DYM: variants seen among roughly 807,000 people sequenced by gnomAD.
The protein encoded by DYM is dyggve-Melchior-Clausen syndrome protein.
A neutral mutation model predicts 93.1 loss-of-function variants in DYM; 78 were observed. That is an observed-to-expected ratio of 0.84 (90% confidence interval 0.70 to 1.01). The LOEUF (loss-of-function observed/expected upper bound fraction) is 1.01, where lower values mean the gene tolerates loss of function less well. Ranked by LOEUF, DYM falls within the 50% of genes least tolerant of loss-of-function variation. DYM has a pLI of 0.00. For synonymous variants in DYM, 321 were observed against 319.7 expected (o/e 1.00, Z -0.04); for missense variants, 789 against 845.0 (o/e 0.93, Z 0.82).
intron 2 of DYM, 130 bp from the exon 3 acceptor site, chr18:49,391,775 A>G: frequency 2.9e-6 from 2 of 698,426 alleles, no homozygotes; most frequent in Non-Finnish European, 4.6e-6. Flanking sequence ...GTAGTGAACA[A>G]TAAGATCAGC....
intron 9 of DYM, among the ~76,000 whole-genome samples, chr18:49,283,806 T>C (rs188490172): frequency 6.6e-6 from 1 of 152,362 alleles, no homozygotes; most frequent in East Asian, 1.9e-4. Context: ...AACACAATCC[T>C]TGCCTCTCAG....
chr18:49,079,197 T>C (rs2077565399), intron 17 of DYM, among the ~76,000 whole-genome samples: 1 of 152,198 alleles, frequency 6.6e-6, no homozygotes, highest in Admixed American at 6.5e-5. Flanking sequence ...TAAAAACATG[T>C]TTCATGCAAA....
intron 17 of DYM, among the ~76,000 whole-genome samples, chr18:49,055,718 CA>C (rs2075411375): frequency 6.6e-6 from 1 of 152,196 alleles, no homozygotes; most frequent in South Asian, 2.1e-4. Flanking sequence ...GCCAAATGGG[CA>C]GAATGCTAAA....
chr18:49,103,994 A>C (rs552225712), intron 16 of DYM, among the ~76,000 whole-genome samples: 2 of 152,196 alleles, frequency 1.3e-5, no homozygotes, highest in South Asian at 4.2e-4. Context: ...TCTCTAAATT[A>C]CCTTGGGCAG....
At chr18:49,290,964 T>A (rs932876532) in intron 8 of DYM, among the ~76,000 whole-genome samples, 2 of 152,274 alleles carry the variant, frequency 1.3e-5, no homozygotes, top group African/African-American at 4.8e-5. Context: ...ATGCAAATAC[T>A]TTGGAACTAG....
chr18:49,104,074 C>T (rs2080499668), intron 16 of DYM, among the ~76,000 whole-genome samples: 1 of 152,048 alleles, frequency 6.6e-6, no homozygotes, highest in South Asian at 2.1e-4. Flanking sequence ...TGTTTGTATC[C>T]TCTTTTATTT....
intron 14 of DYM, among the ~76,000 whole-genome samples, chr18:49,203,871 TAAAAAAAA>T (rs71165370): frequency 0.01 from 638 of 63,548 alleles, 3 homozygotes; most frequent in Non-Finnish European, 0.014. Flanking sequence ...TTTAAAAAAG[TAAAAAAAA>T]AAAAAAAAAA....
intron 8 of DYM, among the ~76,000 whole-genome samples, chr18:49,299,887 C>T (rs1246645068): frequency 2.0e-5 from 3 of 150,908 alleles, no homozygotes; most frequent in Non-Finnish European, 4.4e-5. Context: ...ACTGAAAATA[C>T]AAAAAATTAG....
rs777266519 is a variant in DYM at position 49,257,082 on chromosome 18, C to CA, written c.1387dup (p.Cys463LeufsTer60). On this transcript the variant is annotated frameshift_variant, in exon 13 of 18. Coordinates refer to ENST00000675505, the MANE Select transcript of DYM (RefSeq NM_001353214.3). LOFTEE classifies it high-confidence loss of function. ...CGACATATTTGCTAAAGCTGCCAAACAATTTGTGTGAAGGTACTTGTCCTG... is the reference window on the plus strand; with the variant it reads ...CGACATATTTGCTAAAGCTGCCAAACAAATTTGTGTGAAGGTACTTGTCCTG... The CA allele has an allele frequency of 6.2e-7, 1 of 1,613,910 alleles. No individual in the cohort carries two copies. The highest frequency in any genetic ancestry group is 1.3e-5 in the African/African-American group (1 of 75,032).
chr18:49,120,149 T>C (rs114238388), intron 15 of DYM, among the ~76,000 whole-genome samples: 1,551 of 135,958 alleles, frequency 0.011, 25 homozygotes, highest in African/African-American at 0.04. Flanking sequence ...CAAAATGGGA[T>C]TCTAAAAAAA....
intron 2 of DYM, among the ~76,000 whole-genome samples, chr18:49,424,133 A>C (rs2074022873): frequency 6.6e-6 from 1 of 152,188 alleles, no homozygotes; most frequent in South Asian, 2.1e-4. Context: ...ATGAACATCG[A>C]TGCAAAAATC....
intron 1 of DYM, among the ~76,000 whole-genome samples, chr18:49,447,679 C>T (rs1353704257): frequency 6.6e-6 from 1 of 152,176 alleles, no homozygotes; most frequent in African/African-American, 2.4e-5. Flanking sequence ...CGCCCCAATG[C>T]GGTGTCGGCA....
chr18:49,431,841 G>C (rs1463773915), intron 1 of DYM: 1 of 151,564 alleles, frequency 6.6e-6, no homozygotes, highest in African/African-American at 2.4e-5. Flanking sequence ...ATGGACAGCT[G>C]GGTCTTCTGA....
At chr18:49,421,393 G>C (rs1332355935) in intron 2 of DYM, among the ~76,000 whole-genome samples, 1 of 152,174 alleles carries the variant, frequency 6.6e-6, no homozygotes, top group Non-Finnish European at 1.5e-5. Flanking sequence ...ACAGCGTCTG[G>C]AGTGGACCTC....
At chr18:49,393,068 A>AGG (rs2147919973) in intron 2 of DYM, among the ~76,000 whole-genome samples, 1 of 107,730 alleles carries the variant, frequency 9.3e-6, no homozygotes, top group Admixed American at 1.2e-4. Context: ...GGGGAGGAGG[A>AGG]GGAGGAGGAA....
chr18:49,327,368 T>C (rs2062973859), intron 8 of DYM, among the ~76,000 whole-genome samples: 1 of 151,986 alleles, frequency 6.6e-6, no homozygotes, highest in South Asian at 2.1e-4. Context: ...TTTGTTTTTG[T>C]TTTTTTGTTG....
chr18:49,407,097 A>T (rs1460425859), intron 2 of DYM, among the ~76,000 whole-genome samples: 2 of 152,230 alleles, frequency 1.3e-5, no homozygotes, highest in African/African-American at 4.8e-5. Context: ...AGCCCTTCTC[A>T]AAATGTTACG....
rs2070868417 is a variant in DYM at position 49,040,449 on chromosome 18, C to T, written c.*3606G>A. Among the ~76,000 whole-genome samples the T allele has an allele frequency of 6.6e-6, 1 of 152,168 alleles. No individual in the cohort carries two copies. The highest frequency in any genetic ancestry group is 6.5e-5 in the Admixed American group (1 of 15,270). On this transcript the variant is annotated 3_prime_UTR_variant, in exon 18 of 18. Transcript: ENST00000675505. ...TGAGATTAAATTTTATGCTTTAATT[C>T]ATACAAAATAAATATGCATTATTTG...
intron 14 of DYM, among the ~76,000 whole-genome samples, chr18:49,186,888 A>G (rs1219490426): frequency 6.6e-6 from 1 of 151,152 alleles, no homozygotes; most frequent in Non-Finnish European, 1.5e-5. Context: ...GTCAAAAGGG[A>G]GATCATATAT....
Sources: gnomAD v4.1 joint callset for allele counts (sites outside exome capture counted in the v4.1 genomes callset) on GRCh38, gnomAD v4.1.1 for gene constraint, MANE v1.5 for transcripts, NCBI Gene and HGNC (gene_info 2026-07-23, HGNC 2026-07-21) for gene names.